The following DDC variants were observed in gnomAD, a reference collection of about 807,000 sequenced individuals.
DDC encodes dopa decarboxylase.
Under a neutral mutation model 60.0 loss-of-function variants are expected in DDC, and 43 were observed. The observed-to-expected ratio is 0.72, with a 90% CI of 0.56 to 0.92. The LOEUF is 0.92. DDC is among the 40% of genes least tolerant of loss of function. The probability of loss-of-function intolerance (pLI) is 0.00; values close to 1 mark genes in which losing one functional copy is unlikely to be tolerated. For synonymous variants in DDC, 232 were observed against 234.6 expected (o/e 0.99, Z 0.10); for missense variants, 573 against 620.2 (o/e 0.92, Z 0.81).
At chr7:50,511,066 C>T (rs1433271227) in intron 6 of DDC, among the ~76,000 whole-genome samples, 12 of 147,074 alleles carry the variant, frequency 8.2e-5, no homozygotes, top group Admixed American at 2.0e-4. Context: ...CACACACACA[C>T]ACACACACAC....
In DDC at chr7:50,495,355, G is replaced by A. The variant is rs935605950; in HGVS notation, c.939C>T (p.Ala313=). 6.2e-7 allele frequency: 1 copy of A among 1,611,962 alleles called. No homozygotes were observed. Among genetic ancestry groups the A allele is most frequent in the Non-Finnish European group, 8.5e-7 (1 of 1,178,464 alleles). The change falls in exon 9 of 15, where the codon GCC becomes GCT. Residue 313 remains alanine, a synonymous_variant. Transcript: ENST00000444124. ...KWLLVNFDCS[A]MWVKKRTDLT... ...CTGTGAGCAGGGAAACTTACCACAT[G>A]GCAGAACAGTCAAAATTCACCAATA...
intron 1 of DDC, among the ~76,000 whole-genome samples, chr7:50,560,686 A>G (rs995552534): frequency 6.6e-6 from 1 of 152,166 alleles, no homozygotes; most frequent in Non-Finnish European, 1.5e-5. Flanking sequence ...CCACTCACTT[A>G]GTTATGTTGC....
chr7:50,519,508 C>T (rs7810684), intron 6 of DDC, among the ~76,000 whole-genome samples: 2,042 of 152,184 alleles, frequency 0.013, 45 homozygotes, highest in African/African-American at 0.045. Flanking sequence ...CATCAATCAA[C>T]GAATAAATAA....
chr7:50,555,890 T>G (rs2045169021), intron 1 of DDC, among the ~76,000 whole-genome samples: 1 of 152,164 alleles, frequency 6.6e-6, no homozygotes, highest in Non-Finnish European at 1.5e-5. Flanking sequence ...TGTCCTGGAC[T>G]CAAACACAGG....
intron 1 of DDC, among the ~76,000 whole-genome samples, chr7:50,554,559 CTG>C (rs939296023): frequency 6.6e-6 from 1 of 152,156 alleles, no homozygotes; most frequent in Non-Finnish European, 1.5e-5. Flanking sequence ...TGTTTACAAA[CTG>C]GAAATCCACT....
chr7:50,487,067 T>C (rs906762790), intron 9 of DDC, among the ~76,000 whole-genome samples: 4 of 152,220 alleles, frequency 2.6e-5, no homozygotes, highest in African/African-American at 9.6e-5. Context: ...TGAAAAATTT[T>C]AAATATATAA....
At chr7:50,528,043 T>C (rs2153545572) in intron 6 of DDC, 94 bp downstream of exon 6, 2 of 1,415,886 alleles carry the variant, frequency 1.4e-6, no homozygotes, top group Non-Finnish European at 1.9e-6. Flanking sequence ...ATTACAAGAA[T>C]GCGCCACCAT....
At chr7:50,547,249 C>T (rs879451431) in intron 1 of DDC, among the ~76,000 whole-genome samples, 10 of 150,206 alleles carry the variant, frequency 6.7e-5, no homozygotes, top group Admixed American at 2.0e-4. Flanking sequence ...CTTGCTCTGT[C>T]ACCCAGGCTA....
At chr7:50,548,262 G>C (rs754662138) in intron 1 of DDC, among the ~76,000 whole-genome samples, 17 of 152,202 alleles carry the variant, frequency 1.1e-4, no homozygotes, top group Non-Finnish European at 2.2e-4. Context: ...GACAGGAAGA[G>C]TAGGTAGTAT....
chr7:50,503,911 A>G, intron 7 of DDC, 82 bp downstream of exon 7: 1 of 990,940 alleles, frequency 1.0e-6, no homozygotes, highest in Non-Finnish European at 1.6e-6. Context: ...TAACGACAAG[A>G]AAGAGATCAA....
chr7:50,552,797 G>A (rs2153553057), intron 1 of DDC, among the ~76,000 whole-genome samples: 1 of 152,156 alleles, frequency 6.6e-6, no homozygotes, highest in East Asian at 1.9e-4. Context: ...ATACCCTATT[G>A]GACTCTACTC....
chr7:50,492,357 G>A (rs551253290), intron 9 of DDC, among the ~76,000 whole-genome samples: 8 of 152,170 alleles, frequency 5.3e-5, no homozygotes, highest in Non-Finnish European at 1.0e-4. Flanking sequence ...TAGTGTCATG[G>A]GACAAAACCT....
At position 50,540,554 on chromosome 7, in the gene DDC, ATCTGG is replaced by A. The variant is rs1166539837; in HGVS notation, c.202-531_202-527del. The stretch of plus-strand genomic sequence containing the variant: ...TTCTTCAGTCAAGCCACAAACATGC[ATCTGG>A]TCTTCCCGCTGCCCCTGGCTCTTCT... On this transcript the variant is annotated intron_variant, in intron 2 of 14. Transcript: ENST00000444124. 2.0e-5 allele frequency among the ~76,000 whole-genome samples: 3 copies of A among 150,838 alleles called. No homozygotes were observed. In the East Asian group the frequency reaches 5.8e-4, roughly 29 times the overall value.
chr7:50,553,686 C>T (rs1377858138), intron 1 of DDC, among the ~76,000 whole-genome samples: 1 of 151,756 alleles, frequency 6.6e-6, no homozygotes, highest in African/African-American at 2.4e-5. Context: ...GGGGTTTTAC[C>T]TTATTGGTCA....
intron 4 of DDC, among the ~76,000 whole-genome samples, chr7:50,536,432 C>T (rs2044414794): frequency 6.6e-6 from 1 of 152,134 alleles, no homozygotes; most frequent in Non-Finnish European, 1.5e-5. Flanking sequence ...GCAAAATAAA[C>T]TAAGTTGACT....
intron 6 of DDC, among the ~76,000 whole-genome samples, chr7:50,514,943 C>T (rs1371206063): frequency 6.6e-6 from 1 of 152,112 alleles, no homozygotes; most frequent in African/African-American, 2.4e-5. Flanking sequence ...TAAGAATAAT[C>T]AGTGTTCCCG....
At chr7:50,557,126 CAACA>C (rs776061501) in intron 1 of DDC, among the ~76,000 whole-genome samples, 43 of 152,180 alleles carry the variant, frequency 2.8e-4, no homozygotes, top group Non-Finnish European at 1.8e-4. Context: ...AAATTTTCTA[CAACA>C]AACAAAGATC....
Position 50,463,332 on chromosome 7 carries a change from A to C in DDC, c.1342T>G (p.Phe448Val), listed in dbSNP as rs2042326285. 7 of 1,614,270 alleles carry C rather than the reference A, an allele frequency of 4.3e-6. No individual in the cohort carries two copies. Among genetic ancestry groups the C allele is most frequent in the Non-Finnish European group, 5.1e-6 (6 of 1,180,042 alleles). Residue 448 changes from phenylalanine to valine, a missense_variant, in exon 14 of 15, where the codon TTT (phenylalanine) becomes GTT (valine). By Grantham distance (50) the Phe-to-Val change is conservative. Coordinates refer to ENST00000444124, the MANE Select transcript of DDC (RefSeq NM_001082971.2). ...CHLRDKFVLR[F>V]AICSRTVESA... ...TCCACCGTGCGAGAACAGATGGCAA[A>C]GCGCAGGACAAACTTGTCCCTGAGG...
At chr7:50,477,668 G>T in intron 10 of DDC, 5 of 374,398 alleles carry the variant, frequency 1.3e-5, no homozygotes, top group Non-Finnish European at 2.7e-5. Flanking sequence ...TGGCAGTGCT[G>T]GGAGGAGATG....
Sources: gnomAD v4.1 joint callset for allele counts (sites outside exome capture counted in the v4.1 genomes callset) on GRCh38, gnomAD v4.1.1 for gene constraint, MANE v1.5 for transcripts, NCBI Gene and HGNC (gene_info 2026-07-23, HGNC 2026-07-21) for gene names.